Variants in MRC1 observed in about 807,000 individuals in gnomAD.
MRC1 encodes the protein macrophage mannose receptor 1.
In MRC1, 62 loss-of-function variants were observed where a neutral mutation model predicts 102.9. The ratio of observed to expected loss-of-function variants is 0.60; its 90% CI spans 0.49 to 0.74. The LOEUF is 0.74. Ranked by LOEUF, MRC1 falls within the 30% of genes least tolerant of loss-of-function variation. The pLI, the probability that MRC1 is intolerant of heterozygous loss-of-function variation, is 0.00. For synonymous variants in MRC1, 457 were observed against 298.4 expected (o/e 1.53, Z -5.48); for missense variants, 1,237 against 862.8 (o/e 1.43, Z -5.43).
chr10:17,841,794 C>T (rs1437703475), intron 5 of MRC1, among the ~76,000 whole-genome samples: 19 of 148,754 alleles, frequency 1.3e-4, no homozygotes, highest in South Asian at 2.1e-4. Flanking sequence ...TGACGTCTGC[C>T]GTGGGTGTGG....
intron 1 of MRC1, among the ~76,000 whole-genome samples, chr10:17,819,242 T>G (rs890341900): frequency 1.3e-5 from 2 of 152,042 alleles, no homozygotes; most frequent in African/African-American, 4.8e-5. Context: ...GACCACCTAT[T>G]ATATTAGGTA....
intron 9 of MRC1, among the ~76,000 whole-genome samples, chr10:17,858,047 G>A (rs1397095091): frequency 2.0e-5 from 3 of 152,042 alleles, no homozygotes; most frequent in Non-Finnish European, 4.4e-5. Context: ...TCTTCATATG[G>A]GGAAAATTTA....
At chr10:17,903,004 G>A (rs1221866217) in intron 26 of MRC1, among the ~76,000 whole-genome samples, 1 of 152,018 alleles carries the variant, frequency 6.6e-6, no homozygotes, top group East Asian at 1.9e-4. Flanking sequence ...TAGTACTAAT[G>A]TTTATCTAAA....
At chr10:17,853,584 G>C (rs924514864) in intron 8 of MRC1, among the ~76,000 whole-genome samples, 1 of 136,880 alleles carries the variant, frequency 7.3e-6, no homozygotes, top group Non-Finnish European at 1.6e-5. Flanking sequence ...GTGTGTGTGT[G>C]TGTGTGTGTG....
At chr10:17,868,199 T>C (rs1030888148) in intron 12 of MRC1, among the ~76,000 whole-genome samples, 2 of 152,208 alleles carry the variant, frequency 1.3e-5, no homozygotes, top group Non-Finnish European at 2.9e-5. Context: ...CCTACTGTGT[T>C]AGTCTGTTCT....
At chr10:17,893,388 C>A (rs1356196601) in intron 22 of MRC1, among the ~76,000 whole-genome samples, 1 of 152,160 alleles carries the variant, frequency 6.6e-6, no homozygotes, top group Non-Finnish European at 1.5e-5. Context: ...AACTCCCAGG[C>A]TCAAGCGATC....
chr10:17,842,059 C>A (rs1021353081), intron 5 of MRC1, among the ~76,000 whole-genome samples: 235 of 152,308 alleles, frequency 1.5e-3, no homozygotes, highest in African/African-American at 5.3e-3. Context: ...GCCTTCCTGG[C>A]TCAAGTCATT....
chr10:17,813,587 G>C (rs1838257341), intron 1 of MRC1, among the ~76,000 whole-genome samples: 1 of 149,680 alleles, frequency 6.7e-6, no homozygotes, highest in Admixed American at 6.7e-5. Flanking sequence ...TTTGTATCTA[G>C]AAGGCTGAGC....
chr10:17,872,551 G>C (rs1833368953), intron 15 of MRC1, among the ~76,000 whole-genome samples: 1 of 152,206 alleles, frequency 6.6e-6, no homozygotes, highest in African/African-American at 2.4e-5. Context: ...TGATTTCTCA[G>C]ATAAATGTTC....
At chr10:17,859,562 C>T (rs1292163160) in intron 9 of MRC1, among the ~76,000 whole-genome samples, 2 of 152,202 alleles carry the variant, frequency 1.3e-5, no homozygotes, top group Non-Finnish European at 2.9e-5. Context: ...AAGTGACCCA[C>T]CTGCTTCGTC....
At chr10:17,864,668 A>C (rs1334285534) in intron 11 of MRC1, among the ~76,000 whole-genome samples, 1 of 151,930 alleles carries the variant, frequency 6.6e-6, no homozygotes, top group Non-Finnish European at 1.5e-5. Context: ...ATCTCTACTA[A>C]AAATACAAAA....
At chr10:17,848,273 G>T (rs959607238) in intron 6 of MRC1, among the ~76,000 whole-genome samples, 1 of 152,074 alleles carries the variant, frequency 6.6e-6, no homozygotes, top group African/African-American at 2.4e-5. Context: ...AGCAAAACAT[G>T]TTGCCAAATT....
chr10:17,874,210 G>A (rs368683008), intron 16 of MRC1, among the ~76,000 whole-genome samples: 2 of 151,992 alleles, frequency 1.3e-5, no homozygotes, highest in East Asian at 3.9e-4. Context: ...CCAAAATCCA[G>A]ATGTTGGCAG....
At chr10:17,902,617 G>A (rs1833843605) in intron 26 of MRC1, among the ~76,000 whole-genome samples, 1 of 152,168 alleles carries the variant, frequency 6.6e-6, no homozygotes, top group Non-Finnish European at 1.5e-5. Flanking sequence ...ACATTTAAAA[G>A]CCACTTAGTT....
chr10:17,810,723 G>C (rs1168724386), intron 1 of MRC1, among the ~76,000 whole-genome samples: 1 of 152,194 alleles, frequency 6.6e-6, no homozygotes, highest in Non-Finnish European at 1.5e-5. Context: ...TGCCTTATAA[G>C]TGTTAGCTAT....
chr10:17,881,238 A>G, intron 21 of MRC1, 57 bp downstream of exon 21: 1 of 761,070 alleles, frequency 1.3e-6, no homozygotes, highest in Admixed American at 1.8e-5. Flanking sequence ...CTGACTGCAA[A>G]ATGGTAAAAT....
intron 23 of MRC1, among the ~76,000 whole-genome samples, chr10:17,897,273 G>A (rs1833768427): frequency 6.6e-6 from 1 of 152,098 alleles, no homozygotes; most frequent in African/African-American, 2.4e-5. Context: ...AGCTCTTTTG[G>A]GAGTCTTGAC....
intron 6 of MRC1, among the ~76,000 whole-genome samples, chr10:17,848,182 A>C (rs1838855180): frequency 6.6e-6 from 1 of 152,182 alleles, no homozygotes. Context: ...AACATATACT[A>C]AGACAGCCAT....
chr10:17,820,754 G>A (rs1838383124), intron 1 of MRC1, among the ~76,000 whole-genome samples: 1 of 152,142 alleles, frequency 6.6e-6, no homozygotes. Flanking sequence ...GTATAGTGGA[G>A]TTTACATATA....
Sources: gnomAD v4.1 joint callset for allele counts (sites outside exome capture counted in the v4.1 genomes callset) on GRCh38, gnomAD v4.1.1 for gene constraint, MANE v1.5 for transcripts, NCBI Gene and HGNC (gene_info 2026-07-23, HGNC 2026-07-21) for gene names.